CASD1: variants seen among roughly 807,000 people sequenced by gnomAD.
The protein encoded by CASD1 is CAS1 domain sialic acid O acetyltransferase 1, also known as N-acetylneuraminate (7)9-O-acetyltransferase.
Under a neutral mutation model 100.0 loss-of-function variants are expected in CASD1, and 41 were observed. The observed-to-expected ratio is 0.41, with a 90% CI of 0.32 to 0.53. CASD1 has a LOEUF of 0.53. CASD1 is among the 20% of genes least tolerant of loss of function. CASD1 has a pLI of 0.25. For missense variants in CASD1, 774 were observed against 948.7 expected, an observed-to-expected ratio of 0.82 and a Z score of 2.42; for synonymous variants, 321 against 315.6, an observed-to-expected ratio of 1.02 and a Z score of -0.18.
At chr7:94,623,428 G>A in the CASD1 span, 2 of 1,342,754 alleles carry the variant, frequency 1.5e-6, no homozygotes, top group Non-Finnish European at 2.1e-6. Flanking sequence ...TATTAAAGAA[G>A]TGAAATGTTC....
At chr7:94,578,630 C>G in the CASD1 span, among the ~76,000 whole-genome samples, 5 of 152,094 alleles carry the variant, frequency 3.3e-5, no homozygotes, top group African/African-American at 1.2e-4. Context: ...TAAACCCTGA[C>G]CTGAGAGATG....
At chr7:94,527,306 G>C in intron 4 of CASD1, 100 bp downstream of exon 4, 1 of 875,562 alleles carries the variant, frequency 1.1e-6, no homozygotes, top group Non-Finnish European at 1.8e-6. Flanking sequence ...CTTGAGAGTA[G>C]ATAAGAATAT....
At chr7:94,628,521 CG>C in the CASD1 span, 1 of 575,678 alleles carries the variant, frequency 1.7e-6, no homozygotes. Context: ...TAGGGCACCA[CG>C]TTAAAAAAAA....
intron 5 of CASD1, among the ~76,000 whole-genome samples, chr7:94,530,838 G>A (rs999892219): frequency 5.9e-5 from 9 of 152,120 alleles, no homozygotes; most frequent in African/African-American, 1.7e-4. Flanking sequence ...AGAAGTGGCA[G>A]TAAAAGGAGT....
the CASD1 span, among the ~76,000 whole-genome samples, chr7:94,633,177 G>A: frequency 2.0e-5 from 3 of 151,584 alleles, no homozygotes; most frequent in Non-Finnish European, 2.9e-5. Context: ...GCAAACATAC[G>A]CCACTAGATA....
chr7:94,520,849 T>C lies in CASD1; in HGVS notation c.351+2526T>C, dbSNP rs531973111. Among the ~76,000 whole-genome samples the C allele has an allele frequency of 9.4e-4, 143 of 152,212 alleles. 1 individual carries two copies. In the South Asian group the frequency reaches 9.8e-3, roughly 10 times the overall value. ...GCTCGTGCCTGTAATCCGAGCACTTTGGGAGGCCGAGGTGGGCGGATCACC... is the reference window on the plus strand; with the variant it reads ...GCTCGTGCCTGTAATCCGAGCACTTCGGGAGGCCGAGGTGGGCGGATCACC... On this transcript the variant is annotated intron_variant, in intron 3 of 17. Coordinates refer to ENST00000297273, the MANE Select transcript of CASD1 (RefSeq NM_022900.5).
chr7:94,553,438 TG>T (rs1309235424), intron 16 of CASD1, among the ~76,000 whole-genome samples: 1 of 152,170 alleles, frequency 6.6e-6, no homozygotes, highest in East Asian at 1.9e-4. Flanking sequence ...TGGTTCACTT[TG>T]GTTCCTTTTT....
chr7:94,563,466 AT>A, the CASD1 span, among the ~76,000 whole-genome samples: 3 of 151,100 alleles, frequency 2.0e-5, no homozygotes, highest in African/African-American at 2.4e-5. Flanking sequence ...ATGCCTGCTT[AT>A]TTTTTTTTAT....
downstream of CASD1, among the ~76,000 whole-genome samples, chr7:94,560,899 G>A (rs1255822503): frequency 1.3e-5 from 2 of 152,162 alleles, no homozygotes; most frequent in African/African-American, 4.8e-5. Context: ...GAAATGACCT[G>A]TTAAGGCTAA....
At chr7:94,593,302 T>A in the CASD1 span, among the ~76,000 whole-genome samples, 3 of 151,942 alleles carry the variant, frequency 2.0e-5, 1 homozygote, top group Admixed American at 2.0e-4. Context: ...ATAAGGAAAA[T>A]TTTTGTGTAG....
chr7:94,610,946 A>G, the CASD1 span, among the ~76,000 whole-genome samples: 2 of 152,216 alleles, frequency 1.3e-5, no homozygotes, highest in Non-Finnish European at 2.9e-5. Flanking sequence ...AACCACAATG[A>G]GATACCACTT....
intron 3 of CASD1, among the ~76,000 whole-genome samples, chr7:94,519,693 G>A (rs1259047990): frequency 1.3e-5 from 2 of 151,908 alleles, no homozygotes; most frequent in African/African-American, 4.8e-5. Context: ...TTTTAATAGA[G>A]ACGAGGTCTC....
In CASD1 at chr7:94,533,792, G is replaced by A. The variant is rs1794973766; in HGVS notation, c.618G>A (p.Trp206Ter). The change falls in exon 7 of 18, where the codon TGG becomes TGA. Residue 206 changes from tryptophan (W) to a stop codon, truncating the protein, a stop_gained. Transcript: ENST00000297273. LOFTEE classifies it high-confidence loss of function. The part of the protein sequence containing the change: ...EKLAKTSDVY[W>*]VLQDPVYEDL... The stretch of plus-strand genomic sequence containing the variant: ...TGGCAAAGACTAGTGATGTTTATTG[G>A]GTCTTACAAGGTAAGGAATGAGTAA... The A allele has an allele frequency of 6.4e-7, 1 of 1,573,824 alleles. No individual in the cohort carries two copies. Among genetic ancestry groups the A allele is most frequent in the Non-Finnish European group, 8.6e-7 (1 of 1,161,388 alleles).
At chr7:94,615,283 C>T in the CASD1 span, among the ~76,000 whole-genome samples, 1 of 151,990 alleles carries the variant, frequency 6.6e-6, no homozygotes, top group East Asian at 1.9e-4. Flanking sequence ...CGCTTGAACC[C>T]AGGAGGCAGA....
At chr7:94,602,229 A>C in the CASD1 span, among the ~76,000 whole-genome samples, 2 of 152,210 alleles carry the variant, frequency 1.3e-5, no homozygotes, top group South Asian at 2.1e-4. Flanking sequence ...TGATTGAACA[A>C]ATTTTCCTAT....
chr7:94,585,439 T>G, the CASD1 span: 1 of 1,498,184 alleles, frequency 6.7e-7, no homozygotes, highest in Non-Finnish European at 9.3e-7. Flanking sequence ...AGAAAAGAAA[T>G]GTGATGTAAC....
the CASD1 span, among the ~76,000 whole-genome samples, chr7:94,631,843 A>G: frequency 6.6e-6 from 1 of 152,070 alleles, no homozygotes; most frequent in Non-Finnish European, 1.5e-5. Context: ...AGAGAACATT[A>G]CAAATAATCT....
chr7:94,518,140 G>A, intron 2 of CASD1, 63 bp from the exon 3 acceptor site: 1 of 1,414,656 alleles, frequency 7.1e-7, no homozygotes. Flanking sequence ...AAAACGGTGT[G>A]CTTTGAAATG....
At chr7:94,581,993 C>T in the CASD1 span, among the ~76,000 whole-genome samples, 2 of 152,216 alleles carry the variant, frequency 1.3e-5, no homozygotes, top group African/African-American at 4.8e-5. Flanking sequence ...CTCCCACCAA[C>T]AGTGTAAAAG....
Sources: allele counts gnomAD v4.1 joint callset (sites outside exome capture counted in the v4.1 genomes callset), GRCh38; gene constraint gnomAD v4.1.1; transcripts MANE v1.5; gene names NCBI Gene and HGNC (gene_info 2026-07-23, HGNC 2026-07-21).